IKBKE: variants seen among roughly 807,000 people sequenced by gnomAD.
IKBKE encodes the protein inhibitor of nuclear factor kappa-B kinase subunit epsilon.
IKBKE carries 45 observed loss-of-function variants against 92.1 expected under a neutral mutation model. The observed-to-expected ratio is 0.49, with a 90% CI of 0.38 to 0.63. The LOEUF is 0.63. Ranked by LOEUF, IKBKE falls within the 20% of genes least tolerant of loss-of-function variation. The probability of loss-of-function intolerance (pLI) is 0.00; values close to 1 mark genes in which losing one functional copy is unlikely to be tolerated. For missense variants in IKBKE, 700 were observed against 932.8 expected (o/e 0.75, Z 3.25); for synonymous variants, 374 against 380.3 (o/e 0.98, Z 0.19).
chr1:206,490,468 G>A lies in IKBKE; in HGVS notation c.1694-351G>A, dbSNP rs1227086684. Among the ~76,000 whole-genome samples the A allele has an allele frequency of 4.6e-5, 7 of 152,176 alleles. No individual in the cohort carries two copies. Among genetic ancestry groups the A allele is most frequent in the South Asian group, 2.1e-4 (1 of 4,832 alleles). On this transcript the variant is annotated intron_variant, in intron 16 of 21. Transcript: ENST00000581977. The surrounding 1 kb of genome is among the most constrained non-coding windows in gnomAD (Gnocchi z 5.2). ...TGCAGGCATCAGTCACTCTGGGAGG[G>A]TGCTGGATAAGGGGCTATGGTTGAC...
Position 206,492,962 on chromosome 1 carries a change from C to T in IKBKE, c.1836-61C>T, listed in dbSNP as rs782447872. The T allele has an allele frequency of 2.5e-5, 36 of 1,426,032 alleles. 1 individual carries two copies. The South Asian group carries it at 3.2e-4, about 13-fold the overall frequency. The allele number at this position is 1,426,032 out of a possible 1,614,324, so 88.3% of individuals were successfully genotyped here. A position where few individuals can be genotyped will look rare whatever the true frequency, so the allele number is the denominator to read the frequency against. On this transcript the variant is annotated intron_variant, in intron 18 of 21. Coordinates refer to ENST00000581977, the MANE Select transcript of IKBKE (RefSeq NM_014002.4). The stretch of plus-strand genomic sequence containing the variant: ...ATGTGTGGATCCGATGGCAGCTAGG[C>T]GAGCCCTGGGGAATGGGCTGAGTCC...
chr1:206,494,823 C>A (rs954145328), intron 21 of IKBKE, among the ~76,000 whole-genome samples: 3 of 151,608 alleles, frequency 2.0e-5, no homozygotes, highest in Non-Finnish European at 4.4e-5. Context: ...AGGCTGGTCT[C>A]AAACTCCTGG....
intron 21 of IKBKE, among the ~76,000 whole-genome samples, chr1:206,495,684 G>A (rs1306837752): frequency 2.0e-5 from 3 of 152,326 alleles, no homozygotes; most frequent in Admixed American, 6.5e-5. Context: ...AACAAAAATT[G>A]CTCTTGCTGT....
intron 16 of IKBKE, among the ~76,000 whole-genome samples, chr1:206,489,560 T>G (rs1216799573): frequency 3.3e-5 from 5 of 151,844 alleles, no homozygotes; most frequent in African/African-American, 9.7e-5. Context: ...CAAAACTAGC[T>G]GGACGTGGGC....
chr1:206,480,409 C>A, intron 12 of IKBKE, 38 bp from the exon 13 acceptor site: 1 of 1,540,520 alleles, frequency 6.5e-7, no homozygotes, highest in Non-Finnish European at 9.0e-7. Flanking sequence ...CTGAGTCCCC[C>A]GATCAAGGCA....
intron 16 of IKBKE, among the ~76,000 whole-genome samples, chr1:206,488,780 C>T (rs1302591460): frequency 6.6e-6 from 1 of 152,114 alleles, no homozygotes; most frequent in Non-Finnish European, 1.5e-5. Flanking sequence ...AACCACTGTC[C>T]AATAGAAATA....
chr1:206,476,455 C>T lies in IKBKE; in HGVS notation c.540+93C>T, dbSNP rs1228606647. The T allele has an allele frequency of 1.8e-5, 24 of 1,327,576 alleles. No homozygotes were observed. Among genetic ancestry groups the T allele is most frequent in the Non-Finnish European group, 2.5e-5 (24 of 948,764 alleles). 82.2% of individuals were successfully genotyped at this position (1,327,576 alleles called of 1,614,324 possible). A position where few individuals can be genotyped will look rare whatever the true frequency, so the allele number is the denominator to read the frequency against. ...GCCCCCATGAGGGGGTGTGGCCCAC[C>T]TCCTGCTTCCACAGGAGTTATGTCT... On this transcript the variant is annotated intron_variant, in intron 6 of 21. Coordinates refer to ENST00000581977, the MANE Select transcript of IKBKE (RefSeq NM_014002.4). This position sits in a 1 kb window ranked among gnomAD's most constrained non-coding sequence, Gnocchi z 5.1.
chr1:206,480,755 G>A (rs1665337833), intron 13 of IKBKE, among the ~76,000 whole-genome samples: 1 of 152,162 alleles, frequency 6.6e-6, no homozygotes, highest in South Asian at 2.1e-4. Context: ...AGGGGAAGGG[G>A]CCCATGGGGG....
rs1303602756 is a variant in IKBKE at position 206,474,187 on chromosome 1, G to A, written c.88-144G>A. On this transcript the variant is annotated intron_variant, in intron 3 of 21. Transcript: ENST00000581977. ...AGAGGGAAAGGCGGTGCGGATGGGA[G>A]CCCCCATCCAACCAGGCTAATCTCT... The A allele has an allele frequency of 3.7e-5, 27 of 728,512 alleles. No homozygotes were observed. The East Asian group carries it at 6.6e-4, about 18-fold the overall frequency. 45.1% of individuals were successfully genotyped at this position (728,512 alleles called of 1,614,324 possible). A position where few individuals can be genotyped will look rare whatever the true frequency, so the allele number is the denominator to read the frequency against.
intron 15 of IKBKE, among the ~76,000 whole-genome samples, chr1:206,486,760 C>T (rs1401482536): frequency 7.2e-6 from 1 of 138,340 alleles, no homozygotes; most frequent in Admixed American, 7.3e-5. Flanking sequence ...GCTGCGGATC[C>T]CAGGCCCTGT....
At chr1:206,479,845 C>T in intron 10 of IKBKE, 25 bp from the exon 11 acceptor site, 3 of 1,613,024 alleles carry the variant, frequency 1.9e-6, no homozygotes, top group Non-Finnish European at 2.5e-6. Context: ...CAGGCAGGCC[C>T]CTCAGACAGG....
At position 206,485,512 on chromosome 1, in the gene IKBKE, TG is replaced by T. The variant is rs1384703406; in HGVS notation, c.1616+210del. Among the ~76,000 whole-genome samples, 4 of 152,220 alleles carry T rather than the reference TG, an allele frequency of 2.6e-5. No homozygotes were observed. The highest frequency in any genetic ancestry group is 5.9e-5 in the Non-Finnish European group (4 of 68,036). On this transcript the variant is annotated intron_variant, in intron 15 of 21. Transcript: ENST00000581977. The surrounding 1 kb of genome is among the most constrained non-coding windows in gnomAD (Gnocchi z 5.0). ...CACCAGCCAGGAGGAGAAAAGGATC[TG>T]GGGTCCTGCACCCATCTTGGAGTTT...
At chr1:206,477,472 GGT>G (rs1665129023) in intron 7 of IKBKE, among the ~76,000 whole-genome samples, 1 of 150,118 alleles carries the variant, frequency 6.7e-6, no homozygotes, top group African/African-American at 2.5e-5. Context: ...CATGGGCAAA[GGT>G]GTGGAGGAGG....
rs782495013 is a variant in IKBKE at position 206,480,460 on chromosome 1, G to A, written c.1354G>A (p.Ala452Thr). ...GLHWVMEVLQATCRRTLEVAR... is the reference protein window; with the variant it reads ...GLHWVMEVLQTTCRRTLEVAR... Reference sequence around the variant, plus strand: ...CCCCTTGGACAGGGAGGTGCTCCAGGCCACATGCAGACGGACTCTGGAAGT... The same window carrying A: ...CCCCTTGGACAGGGAGGTGCTCCAGACCACATGCAGACGGACTCTGGAAGT... The change falls in exon 13 of 22, where the codon GCC becomes ACC. Residue 452 changes from alanine (A) to threonine (T), a missense_variant. By Grantham distance (58) the Ala-to-Thr change is moderately conservative (BLOSUM62 0). Coordinates refer to ENST00000581977, the MANE Select transcript of IKBKE (RefSeq NM_014002.4). The A allele has an allele frequency of 3.7e-6, 6 of 1,613,720 alleles. No homozygotes were observed. In the South Asian group the frequency reaches 4.4e-5, roughly 12 times the overall value.
Position 206,476,547 on chromosome 1 carries a change from C to T in IKBKE, c.541-131C>T. 1.7e-6 allele frequency: 2 copies of T among 1,207,818 alleles called. No homozygotes were observed. Among genetic ancestry groups the T allele is most frequent in the Non-Finnish European group, 2.3e-6 (2 of 854,750 alleles). The allele number at this position is 1,207,818 out of a possible 1,614,324, so 74.8% of individuals were successfully genotyped here. On this transcript the variant is annotated intron_variant, in intron 6 of 21. Transcript: ENST00000581977. The surrounding 1 kb of genome is among the most constrained non-coding windows in gnomAD (Gnocchi z 5.1). ...AGATGGAAAAGGTGAGGCTGACACC[C>T]ATTTTTAAGATGACAAAGAAGGATT...
chr1:206,473,393 C>A, intron 3 of IKBKE, 79 bp downstream of exon 3: 1 of 1,035,434 alleles, frequency 9.7e-7, no homozygotes, highest in East Asian at 2.6e-5. Flanking sequence ...CAGTCAGCCC[C>A]CAGTGGGCAT....
Position 206,490,819 on chromosome 1 carries a change from G to T in IKBKE, c.1694G>T (p.Gly565Val), listed in dbSNP as rs1553390127. The stretch of plus-strand genomic sequence containing the variant: ...CATCTGTTCTGTCTGTTTCCTCCAG[G>T]GCTTGGCTACAACGAGGAGCAGATT... Reference protein sequence around the residue: ...KQFKKSRMRPGLGYNEEQIHK... With the variant: ...KQFKKSRMRPVLGYNEEQIHK... The change falls in exon 17 of 22, where the codon GGG (glycine) becomes GTG (valine). Residue 565 changes from glycine to valine, a missense_variant and splice_region_variant. Gly to Val is a moderately radical substitution (Grantham distance 109). Coordinates refer to ENST00000581977, the MANE Select transcript of IKBKE (RefSeq NM_014002.4). The surrounding 1 kb of genome is among the most constrained non-coding windows in gnomAD (Gnocchi z 5.2). 1 of 1,614,170 alleles carries T rather than the reference G, an allele frequency of 6.2e-7. No homozygotes were observed. The highest frequency in any genetic ancestry group is 2.2e-5 in the East Asian group (1 of 44,876).
intron 10 of IKBKE, 37 bp downstream of exon 10, chr1:206,479,170 C>A (rs782532414): frequency 1.3e-6 from 2 of 1,496,990 alleles, no homozygotes; most frequent in Admixed American, 2.1e-5. Flanking sequence ...TTTCTCCTCC[C>A]CACATTTTCC....
chr1:206,474,305 T>C (rs782117462), intron 3 of IKBKE, 26 bp from the exon 4 acceptor site: 1 of 1,601,800 alleles, frequency 6.2e-7, no homozygotes, highest in South Asian at 1.1e-5. Context: ...CCATGCTGTC[T>C]CCCACTGCTC....
Sources: allele counts gnomAD v4.1 joint callset (sites outside exome capture counted in the v4.1 genomes callset), GRCh38; gene constraint gnomAD v4.1.1; non-coding constraint Gnocchi (gnomAD v3.1); transcripts MANE v1.5; gene names NCBI Gene and HGNC (gene_info 2026-07-23, HGNC 2026-07-21).